OSBPL6: variants seen among roughly 807,000 people sequenced by gnomAD.
OSBPL6 encodes the protein oxysterol-binding protein-related protein 6.
A neutral mutation model predicts 125.8 loss-of-function variants in OSBPL6; 49 were observed. That is an observed-to-expected ratio of 0.39 (90% CI 0.31 to 0.49). OSBPL6 has a LOEUF of 0.49. Among genes scored for constraint, OSBPL6 ranks in the 20% least tolerant of loss-of-function variants. OSBPL6 has a pLI of 0.88. For synonymous variants in OSBPL6, 394 were observed against 391.8 expected, an observed-to-expected ratio of 1.01 and a Z score of -0.07; for missense variants, 986 against 1,135.4, an observed-to-expected ratio of 0.87 and a Z score of 1.89.
chr2:178,358,117 G>A (rs1691986056), intron 12 of OSBPL6, among the ~76,000 whole-genome samples: 2 of 152,112 alleles, frequency 1.3e-5, no homozygotes, highest in African/African-American at 4.8e-5. Flanking sequence ...AGCATTAGGA[G>A]AAATACCTAA....
chr2:178,197,782 A>C (rs969051987), intron 1 of OSBPL6, among the ~76,000 whole-genome samples: 5 of 152,226 alleles, frequency 3.3e-5, no homozygotes. Context: ...TTGTATTAAA[A>C]AAAAAGAAAG....
chr2:178,232,809 C>T (rs1326014497), intron 1 of OSBPL6, among the ~76,000 whole-genome samples: 2 of 151,992 alleles, frequency 1.3e-5, no homozygotes, highest in Non-Finnish European at 2.9e-5. Flanking sequence ...AAAGCAGTAC[C>T]CCAGAAATAT....
At position 178,349,244 on chromosome 2, in the gene OSBPL6, G is replaced by C. The variant is rs2154089801; in HGVS notation, c.1008G>C (p.Met336Ile). The C allele has an allele frequency of 6.2e-7, 1 of 1,614,120 alleles. No individual in the cohort carries two copies. Among genetic ancestry groups the C allele is most frequent in the East Asian group, 2.2e-5 (1 of 44,878 alleles). Residue 336 changes from methionine (M) to isoleucine (I), a missense_variant, in exon 12 of 25, where the codon ATG becomes ATC. Met to Ile is a conservative substitution (Grantham distance 10). This residue lies in a region of OSBPL6 where 843 missense variants were observed against 997.3 expected (regional missense o/e 0.85). Coordinates refer to ENST00000190611, the MANE Select transcript of OSBPL6 (RefSeq NM_032523.4). ...IQLQVPFSATMSPVRLHSSNP... is the reference protein window; with the variant it reads ...IQLQVPFSATISPVRLHSSNP... ...TTCAGGTTCCTTTCAGTGCTACCAT[G>C]TCACCAGTTCGCTTGCATTCCTCCA...
intron 4 of OSBPL6, among the ~76,000 whole-genome samples, chr2:178,326,694 C>T (rs560697190): frequency 5.3e-5 from 8 of 152,096 alleles, no homozygotes; most frequent in Admixed American, 2.0e-4. Context: ...ATAATTGAAA[C>T]GGGGGAACAT....
intron 1 of OSBPL6, among the ~76,000 whole-genome samples, chr2:178,264,957 A>G (rs1198248080): frequency 1.3e-5 from 2 of 151,694 alleles, no homozygotes; most frequent in African/African-American, 2.4e-5. Flanking sequence ...TGGTGTAATC[A>G]TAGCCCTCTG....
intron 1 of OSBPL6, among the ~76,000 whole-genome samples, chr2:178,237,244 C>G (rs191844494): frequency 5.9e-5 from 9 of 152,252 alleles, no homozygotes; most frequent in African/African-American, 1.9e-4. Flanking sequence ...AAGTGTTTTC[C>G]TCGCCAAGAC....
intron 1 of OSBPL6, among the ~76,000 whole-genome samples, chr2:178,219,300 A>G (rs1205022766): frequency 6.6e-6 from 1 of 152,190 alleles, no homozygotes; most frequent in Non-Finnish European, 1.5e-5. Flanking sequence ...TTCTATCCCC[A>G]TTTTACAAAA....
intron 1 of OSBPL6, among the ~76,000 whole-genome samples, chr2:178,197,079 TTCC>T (rs1343996426): frequency 6.6e-6 from 1 of 152,132 alleles, no homozygotes; most frequent in Non-Finnish European, 1.5e-5. Context: ...TTATTGTTGT[TTCC>T]TGGGCACACG....
chr2:178,200,616 G>T (rs557083810), intron 1 of OSBPL6, among the ~76,000 whole-genome samples: 1 of 152,038 alleles, frequency 6.6e-6, no homozygotes, highest in East Asian at 1.9e-4. Context: ...TCCTCTGCTG[G>T]CATAGATGAT....
At chr2:178,221,059 A>C (rs2090319467) in intron 1 of OSBPL6, among the ~76,000 whole-genome samples, 1 of 152,128 alleles carries the variant, frequency 6.6e-6, no homozygotes, top group African/African-American at 2.4e-5. Context: ...CAGCCCATTG[A>C]GGCAGCTCAG....
intron 3 of OSBPL6, among the ~76,000 whole-genome samples, chr2:178,310,488 G>A (rs1046065415): frequency 3.4e-5 from 5 of 146,332 alleles, no homozygotes; most frequent in African/African-American, 1.3e-4. Context: ...CGCGATCTCG[G>A]CTCACTGCAA....
At chr2:178,317,628 G>C (rs2154068622) in intron 3 of OSBPL6, among the ~76,000 whole-genome samples, 1 of 150,984 alleles carries the variant, frequency 6.6e-6, no homozygotes, top group African/African-American at 2.4e-5. Flanking sequence ...GAATGAATAT[G>C]ATATATATAT....
intron 3 of OSBPL6, among the ~76,000 whole-genome samples, chr2:178,309,448 C>G (rs559273302): frequency 5.3e-4 from 80 of 152,238 alleles, no homozygotes; most frequent in African/African-American, 1.8e-3. Context: ...ATTTATTTGT[C>G]CTTCTCTTCT....
chr2:178,290,999 G>A (rs1001300783), intron 2 of OSBPL6, among the ~76,000 whole-genome samples: 2 of 151,642 alleles, frequency 1.3e-5, no homozygotes, highest in African/African-American at 4.9e-5. Flanking sequence ...TTTATCCTTT[G>A]GGCACACAAA....
intron 3 of OSBPL6, among the ~76,000 whole-genome samples, chr2:178,313,498 G>C (rs1687473931): frequency 6.6e-6 from 1 of 151,928 alleles, no homozygotes; most frequent in Non-Finnish European, 1.5e-5. Context: ...TTTGTTCAAT[G>C]AAAAATCAAA....
chr2:178,395,439 A>G lies in OSBPL6; in HGVS notation c.2697-12A>G. On this transcript the variant is annotated splice_polypyrimidine_tract_variant and intron_variant, in intron 24 of 24. Transcript: ENST00000190611. ...TGATTCATGACTAATGTTGATGTTT[A>G]TATTTTCACAGAAAAGTTATTGATG... 1 of 1,592,508 alleles carries G rather than the reference A, an allele frequency of 6.3e-7. No homozygotes were observed. The highest frequency in any genetic ancestry group is 8.6e-7 in the Non-Finnish European group (1 of 1,160,988).
intron 11 of OSBPL6, among the ~76,000 whole-genome samples, chr2:178,346,297 A>G (rs553129786): frequency 1.2e-4 from 18 of 152,324 alleles, no homozygotes; most frequent in Non-Finnish European, 2.6e-4. Context: ...ATCCCTGTAC[A>G]CATAGTGCAG....
rs1319177632 is a variant in OSBPL6, at chr2:178,311,874, A to C, written c.102+5588A>C. 6.6e-5 allele frequency among the ~76,000 whole-genome samples: 10 copies of C among 152,258 alleles called. No homozygotes were observed. In the East Asian group the frequency reaches 1.9e-3, roughly 29 times the overall value. ...GTGGAATCATGTGAAGGACAAAAGC[A>C]GACAAAAGCAGAGAGTTGGGAGCAT... On this transcript the variant is annotated intron_variant, in intron 3 of 24. Transcript: ENST00000190611.
At chr2:178,331,523 C>A (rs372058671) in intron 5 of OSBPL6, 29 bp from the exon 6 acceptor site, 285 of 1,612,304 alleles carry the variant, frequency 1.8e-4, no homozygotes, top group Non-Finnish European at 2.4e-4. Context: ...AAAATACAGA[C>A]AGTAACTGGG....
Sources: allele counts gnomAD v4.1 joint callset (sites outside exome capture counted in the v4.1 genomes callset), GRCh38; gene constraint gnomAD v4.1.1; regional missense constraint gnomAD v4.1.1; transcripts MANE v1.5; gene names NCBI Gene and HGNC (gene_info 2026-07-23, HGNC 2026-07-21).